The following CAMKK2 variants were observed in gnomAD, a reference collection of about 807,000 sequenced individuals.
The protein encoded by CAMKK2 is calcium/calmodulin-dependent protein kinase kinase 2.
In CAMKK2, 30 loss-of-function variants were observed where a neutral mutation model predicts 67.2. The observed-to-expected ratio is 0.45, with a 90% confidence interval of 0.33 to 0.61. CAMKK2 has a LOEUF of 0.61. Among genes scored for constraint, CAMKK2 ranks in the 20% least tolerant of loss-of-function variants. The pLI is 0.02. For missense variants in CAMKK2, 643 were observed against 802.0 expected, an observed-to-expected ratio of 0.80 and a Z score of 2.39; for synonymous variants, 322 against 326.2, an observed-to-expected ratio of 0.99 and a Z score of 0.14.
At position 121,264,723 on chromosome 12, in the gene CAMKK2, A is replaced by G. The variant is rs538071466; in HGVS notation, c.626-784T>C. Among the ~76,000 whole-genome samples, 103 of 151,962 alleles carry G rather than the reference A, an allele frequency of 6.8e-4. 1 individual carries two copies. The Middle Eastern group carries it at 0.017, about 25-fold the overall frequency. On this transcript the variant is annotated intron_variant, in intron 5 of 16. Coordinates refer to ENST00000404169, the MANE Select transcript of CAMKK2 (RefSeq NM_001270485.2). ...TGGGAGGCGGAGCTTGCAGTGAGCC[A>G]AGATAGCGCCACTGCACTCGAGCCT...
intron 1 of CAMKK2, among the ~76,000 whole-genome samples, chr12:121,281,359 G>C (rs1316197873): frequency 6.6e-6 from 1 of 152,174 alleles, no homozygotes; most frequent in Non-Finnish European, 1.5e-5. Context: ...GCCTCATCCC[G>C]GGCACAACAA....
chr12:121,247,554 G>A (rs1397461473), intron 14 of CAMKK2, among the ~76,000 whole-genome samples: 5 of 152,200 alleles, frequency 3.3e-5, no homozygotes, highest in Admixed American at 1.3e-4. Flanking sequence ...CTGTCTCCTC[G>A]TCTACAGGCA....
intron 5 of CAMKK2, among the ~76,000 whole-genome samples, chr12:121,266,652 C>T (rs1430596002): frequency 6.6e-6 from 1 of 152,110 alleles, no homozygotes; most frequent in Non-Finnish European, 1.5e-5. Context: ...CCCACCATGC[C>T]TGGCTACTTT....
chr12:121,286,071 C>T (rs1477833981), intron 1 of CAMKK2, among the ~76,000 whole-genome samples: 1 of 152,138 alleles, frequency 6.6e-6, no homozygotes, highest in Non-Finnish European at 1.5e-5. Context: ...AGCTCATGTA[C>T]CTCAATTTTT....
chr12:121,297,095 C>G (rs568396560), upstream of CAMKK2: 15 of 153,450 alleles, frequency 9.8e-5, no homozygotes, highest in South Asian at 2.7e-3. Flanking sequence ...ACTTTGTACC[C>G]GCTCGCCCGC....
intron 14 of CAMKK2, among the ~76,000 whole-genome samples, 199 bp downstream of exon 14, chr12:121,248,407 T>C (rs772467386): frequency 6.6e-6 from 1 of 152,164 alleles, no homozygotes; most frequent in Non-Finnish European, 1.5e-5. Context: ...CTTCCTATGG[T>C]AACATGGAAC....
chr12:121,242,542 C>T (rs1464540083), intron 16 of CAMKK2, among the ~76,000 whole-genome samples: 4 of 152,144 alleles, frequency 2.6e-5, no homozygotes, highest in Non-Finnish European at 5.9e-5. Flanking sequence ...GCTGCCCAGG[C>T]GTCTGTCTGG....
At chr12:121,282,684 A>C (rs1593476849) in intron 1 of CAMKK2, among the ~76,000 whole-genome samples, 1 of 152,174 alleles carries the variant, frequency 6.6e-6, no homozygotes, top group South Asian at 2.1e-4. Context: ...GAAGGGACGA[A>C]CCCTGCCAAG....
At chr12:121,272,310 T>C (rs1003182817) in intron 2 of CAMKK2, among the ~76,000 whole-genome samples, 4 of 152,188 alleles carry the variant, frequency 2.6e-5, no homozygotes, top group African/African-American at 9.7e-5. Context: ...ATAAACAAAC[T>C]GTGGTACGTC....
At chr12:121,261,956 G>A (rs1893543615) in intron 6 of CAMKK2, among the ~76,000 whole-genome samples, 1 of 152,212 alleles carries the variant, frequency 6.6e-6, no homozygotes, top group Non-Finnish European at 1.5e-5. Context: ...ATCTGGAGAT[G>A]TCTGCAGATC....
Position 121,253,195 on chromosome 12 carries a change from C to T in CAMKK2, c.1107+78G>A, listed in dbSNP as rs543351671. ...GGGATTCACTGTTTAAGCCTGTGTG[C>T]GTTGGGTTTCTGCTGCTTACAATCC... On this transcript the variant is annotated intron_variant, in intron 10 of 16. Transcript: ENST00000404169. This position sits in a 1 kb window ranked among gnomAD's most constrained non-coding sequence, Gnocchi z 5.0. 6.9e-5 allele frequency: 87 copies of T among 1,260,344 alleles called. No homozygotes were observed. Among genetic ancestry groups the T allele is most frequent in the Non-Finnish European group, 9.2e-5 (80 of 870,194 alleles). 78.1% of individuals were successfully genotyped at this position (1,260,344 alleles called of 1,614,324 possible).
intron 1 of CAMKK2, among the ~76,000 whole-genome samples, chr12:121,279,084 C>T (rs1414070892): frequency 1.3e-5 from 2 of 152,222 alleles, no homozygotes; most frequent in African/African-American, 2.4e-5. Context: ...AATTGCTTAT[C>T]GAACTCTACA....
At chr12:121,290,863 G>A (rs966173299) in intron 1 of CAMKK2, among the ~76,000 whole-genome samples, 4 of 152,200 alleles carry the variant, frequency 2.6e-5, no homozygotes, top group African/African-American at 9.7e-5. Context: ...CTGTCACCCA[G>A]GCTGGAGTGC....
chr12:121,240,469 C>T lies in CAMKK2; in HGVS notation c.*230G>A, dbSNP rs199623720. 74 of 1,535,380 alleles carry T rather than the reference C, an allele frequency of 4.8e-5. No homozygotes were observed. The highest frequency in any genetic ancestry group is 5.8e-5 in the Non-Finnish European group (67 of 1,146,844). On this transcript the variant is annotated 3_prime_UTR_variant, in exon 17 of 17. Transcript: ENST00000404169. The surrounding 1 kb of genome is among the most constrained non-coding windows in gnomAD (Gnocchi z 4.4). ...ACGTGGGTTTGGGTCTGCAACTCCT[C>T]ACACCCGCCTGTCCAGCCAGCCAGC...
intron 1 of CAMKK2, among the ~76,000 whole-genome samples, chr12:121,286,990 C>T (rs913052543): frequency 3.3e-5 from 5 of 152,062 alleles, no homozygotes; most frequent in African/African-American, 7.2e-5. Context: ...ACTGCAGCCT[C>T]GAACTCCTGG....
intron 1 of CAMKK2, among the ~76,000 whole-genome samples, chr12:121,276,061 G>C (rs532042062): frequency 1.3e-5 from 2 of 151,512 alleles, no homozygotes; most frequent in East Asian, 1.9e-4. Flanking sequence ...TCAGGAGGCT[G>C]AGGCAGGAGA....
At chr12:121,257,089 T>C (rs1036336570) in intron 7 of CAMKK2, among the ~76,000 whole-genome samples, 4 of 152,014 alleles carry the variant, frequency 2.6e-5, no homozygotes, top group African/African-American at 9.7e-5. Flanking sequence ...CTTGTTGTTC[T>C]GGAATCATAC....
chr12:121,240,985 A>G lies in CAMKK2; in HGVS notation c.1597-116T>C. On this transcript the variant is annotated intron_variant, in intron 16 of 16. Coordinates refer to ENST00000404169, the MANE Select transcript of CAMKK2 (RefSeq NM_001270485.2). The surrounding 1 kb of genome is among the most constrained non-coding windows in gnomAD (Gnocchi z 4.4). ...AAGTGGGCCGTCGCGCACCCCCTGG[A>G]ACGTGATCTACGTAACCCAGTCTTT... 1.0e-6 allele frequency: 1 copy of G among 972,960 alleles called. No individual in the cohort carries two copies. The highest frequency in any genetic ancestry group is 1.6e-6 in the Non-Finnish European group (1 of 643,616). 60.3% of individuals were successfully genotyped at this position (972,960 alleles called of 1,614,324 possible).
chr12:121,288,778 G>A (rs1325869224), intron 1 of CAMKK2, among the ~76,000 whole-genome samples: 2 of 151,966 alleles, frequency 1.3e-5, no homozygotes, highest in African/African-American at 2.4e-5. Context: ...TTTCCAGGTT[G>A]GGATTAGCAT....
Sources: gnomAD v4.1 joint callset for allele counts (sites outside exome capture counted in the v4.1 genomes callset) on GRCh38, gnomAD v4.1.1 for gene constraint, Gnocchi (gnomAD v3.1) non-coding constraint, MANE v1.5 for transcripts, NCBI Gene and HGNC (gene_info 2026-07-23, HGNC 2026-07-21) for gene names.